The following NCAM1 variants were observed in gnomAD, a reference collection of about 807,000 sequenced individuals.
NCAM1 encodes the protein antigen recognized by monoclonal antibody 5.1H11.
A neutral mutation model predicts 109.8 loss-of-function variants in NCAM1; 14 were observed. The ratio of observed to expected loss-of-function variants is 0.13; its 90% confidence interval spans 0.08 to 0.20. The LOEUF (loss-of-function observed/expected upper bound fraction) is 0.20, where lower values mean the gene tolerates loss of function less well. NCAM1 is among the 10% of genes least tolerant of loss of function. The probability of loss-of-function intolerance (pLI) is 1.00; values close to 1 mark genes in which losing one functional copy is unlikely to be tolerated. For synonymous variants in NCAM1, 418 were observed against 442.9 expected (o/e 0.94, Z 0.70); for missense variants, 774 against 1,109.9 (o/e 0.70, Z 4.30).
intron 1 of NCAM1, among the ~76,000 whole-genome samples, chr11:113,063,021 A>G (rs1937748805): frequency 2.0e-5 from 3 of 152,182 alleles, no homozygotes; most frequent in African/African-American, 7.2e-5. Flanking sequence ...GAATGTTCCA[A>G]TAGAAGGAAT....
intron 1 of NCAM1, among the ~76,000 whole-genome samples, chr11:113,195,713 A>G (rs188891359): frequency 1.3e-3 from 197 of 151,804 alleles, no homozygotes; most frequent in Middle Eastern, 3.4e-3. Flanking sequence ...TCACTGTGTT[A>G]GCCAGGATGG....
intron 1 of NCAM1, among the ~76,000 whole-genome samples, chr11:113,009,913 A>G (rs1952003040): frequency 6.6e-6 from 1 of 152,230 alleles, no homozygotes; most frequent in Admixed American, 6.5e-5. Flanking sequence ...CAAGATCTTC[A>G]GGCACATGGA....
chr11:112,969,358 G>A (rs1450189406), intron 1 of NCAM1, among the ~76,000 whole-genome samples: 2 of 152,172 alleles, frequency 1.3e-5, no homozygotes, highest in Non-Finnish European at 2.9e-5. Flanking sequence ...TGCAACTTAC[G>A]TTCGTTGTCT....
intron 1 of NCAM1, among the ~76,000 whole-genome samples, chr11:113,065,983 T>G (rs1171392289): frequency 3.9e-5 from 6 of 152,232 alleles, no homozygotes; most frequent in Admixed American, 3.9e-4. Flanking sequence ...AACTGAAGTT[T>G]ATTAATGAAA....
chr11:113,267,097 G>T (rs1231523341), intron 17 of NCAM1, among the ~76,000 whole-genome samples: 1 of 152,192 alleles, frequency 6.6e-6, no homozygotes, highest in Non-Finnish European at 1.5e-5. Flanking sequence ...GCTAAAATCT[G>T]CCACCACCAT....
At chr11:113,198,321 G>A (rs542677214) in intron 1 of NCAM1, among the ~76,000 whole-genome samples, 132 of 152,148 alleles carry the variant, frequency 8.7e-4, no homozygotes, top group African/African-American at 3.2e-3. Context: ...TGAGCAAAGA[G>A]GCCAGTTATA....
At position 113,185,632 on chromosome 11, in the gene NCAM1, T is replaced by C. The variant is rs556225703; in HGVS notation, c.53-16747T>C. On this transcript the variant is annotated intron_variant, in intron 1 of 19. Coordinates refer to ENST00000316851, the MANE Select transcript of NCAM1 (RefSeq NM_181351.5). ...CATGAAATGGGAGTTTCTGCAGCGC[T>C]ATGTCACACTGCTTAACGTAATACA... Among the ~76,000 whole-genome samples the C allele has an allele frequency of 2.6e-5, 4 of 152,348 alleles. 1 individual carries two copies. The Middle Eastern group carries it at 0.014, about 518-fold the overall frequency.
At chr11:112,966,619 A>T (rs1363523679) in intron 1 of NCAM1, among the ~76,000 whole-genome samples, 1 of 152,214 alleles carries the variant, frequency 6.6e-6, no homozygotes, top group Non-Finnish European at 1.5e-5. Context: ...CCTTAAAACC[A>T]TTTGCTGATG....
At chr11:113,073,421 T>G (rs901437090) in intron 1 of NCAM1, among the ~76,000 whole-genome samples, 90 of 152,218 alleles carry the variant, frequency 5.9e-4, no homozygotes, top group African/African-American at 2.1e-3. Context: ...AAATTTAGTT[T>G]AGGAAACATT....
At chr11:113,272,838 C>A in intron 19 of NCAM1, 1 of 439,732 alleles carries the variant, frequency 2.3e-6, no homozygotes, top group Non-Finnish European at 4.6e-6. Context: ...CCCCCACCCC[C>A]ATGGTCCCTG....
At chr11:112,987,446 T>C (rs1451895088) in intron 1 of NCAM1, among the ~76,000 whole-genome samples, 1 of 152,148 alleles carries the variant, frequency 6.6e-6, no homozygotes, top group Non-Finnish European at 1.5e-5. Context: ...TCCATAATGA[T>C]TTTCTGTCTG....
In NCAM1 at chr11:113,190,444, T is replaced by C. The variant is rs782493296; in HGVS notation, c.53-11935T>C. On this transcript the variant is annotated intron_variant, in intron 1 of 19. Coordinates refer to ENST00000316851, the MANE Select transcript of NCAM1 (RefSeq NM_181351.5). ...AGACTCACAGAAGAAGAATGTATTTTGGATGTGCCAGCACCGCCCCACGGC... is the reference window on the plus strand; with the variant it reads ...AGACTCACAGAAGAAGAATGTATTTCGGATGTGCCAGCACCGCCCCACGGC... Among the ~76,000 whole-genome samples the C allele has an allele frequency of 4.7e-4, 71 of 152,334 alleles. 1 individual carries two copies. The highest frequency in any genetic ancestry group is 6.8e-3 in the Middle Eastern group (2 of 294).
At chr11:113,052,333 C>A (rs1262186650) in intron 1 of NCAM1, among the ~76,000 whole-genome samples, 1 of 152,012 alleles carries the variant, frequency 6.6e-6, no homozygotes, top group Non-Finnish European at 1.5e-5. Flanking sequence ...TTTGAAGAAC[C>A]CTTGAGCTGT....
At chr11:113,227,615 C>A (rs1555116482) in intron 9 of NCAM1, among the ~76,000 whole-genome samples, 1 of 152,180 alleles carries the variant, frequency 6.6e-6, no homozygotes, top group Non-Finnish European at 1.5e-5. Flanking sequence ...CAAAGCCTGG[C>A]AGAGACACAA....
Position 113,255,867 on chromosome 11 carries a change from G to C in NCAM1, c.1829-10G>C. 1 of 1,612,036 alleles carries C rather than the reference G, an allele frequency of 6.2e-7. No individual in the cohort carries two copies. Among genetic ancestry groups the C allele is most frequent in the Non-Finnish European group, 8.5e-7 (1 of 1,179,128 alleles). On this transcript the variant is annotated splice_polypyrimidine_tract_variant and intron_variant, in intron 15 of 19. Transcript: ENST00000316851. ...ATGAGAATTTCATGTGAATTAACTG[G>C]CTGTTTCAGGGGAACCCAGTGCACC...
intron 1 of NCAM1, among the ~76,000 whole-genome samples, chr11:113,185,369 C>T (rs1329292502): frequency 3.3e-5 from 5 of 152,148 alleles, no homozygotes; most frequent in Non-Finnish European, 5.9e-5. Context: ...AGACCTTCAA[C>T]TGACTGGATG....
At chr11:113,061,538 C>T (rs1937639759) in intron 1 of NCAM1, among the ~76,000 whole-genome samples, 2 of 152,150 alleles carry the variant, frequency 1.3e-5, no homozygotes. Flanking sequence ...GAATGACAGT[C>T]ACAGAAGAGG....
At position 112,964,153 on chromosome 11, in the gene NCAM1, T is replaced by G. The variant is rs199758753; in HGVS notation, c.52+2489T>G. On this transcript the variant is annotated intron_variant, in intron 1 of 19. Coordinates refer to ENST00000316851, the MANE Select transcript of NCAM1 (RefSeq NM_181351.5). ...GGTTTTTTTTTTGTTTTTTTTTTTT[T>G]TGTTTTTTTTTTGGACTCAAATGTA... 3.5e-3 allele frequency among the ~76,000 whole-genome samples: 51 copies of G among 14,656 alleles called. 1 individual carries two copies. The highest frequency in any genetic ancestry group is 0.012 in the African/African-American group (48 of 4,084). The allele number at this position is 14,656 out of a possible 152,430, so 9.6% of individuals were successfully genotyped here.
At chr11:113,172,547 A>G (rs1371991580) in intron 1 of NCAM1, among the ~76,000 whole-genome samples, 1 of 152,152 alleles carries the variant, frequency 6.6e-6, no homozygotes, top group African/African-American at 2.4e-5. Context: ...ATTTTGCCTT[A>G]TATTGTTCAT....
Sources: gnomAD v4.1 joint callset for allele counts (sites outside exome capture counted in the v4.1 genomes callset) on GRCh38, gnomAD v4.1.1 for gene constraint, MANE v1.5 for transcripts, NCBI Gene and HGNC (gene_info 2026-07-23, HGNC 2026-07-21) for gene names.